Variants in GDAP1 observed in about 807,000 individuals in gnomAD.
GDAP1 encodes the protein ganglioside induced differentiation associated protein 1, also known as ganglioside-induced differentiation-associated protein 1.
Under a neutral mutation model 40.1 loss-of-function variants are expected in GDAP1, and 34 were observed. The ratio of observed to expected loss-of-function variants is 0.85; its 90% confidence interval spans 0.64 to 1.13. GDAP1 has a LOEUF of 1.13. Among genes scored for constraint, GDAP1 ranks in the 50% most tolerant of loss-of-function variants. The pLI, the probability that GDAP1 is intolerant of heterozygous loss-of-function variation, is 0.00. For synonymous variants in GDAP1, 170 were observed against 157.4 expected (o/e 1.08, Z -0.60); for missense variants, 374 against 433.7 (o/e 0.86, Z 1.22).
chr8:74,378,078 C>T (rs1809887392), intron 2 of GDAP1, among the ~76,000 whole-genome samples: 1 of 152,196 alleles, frequency 6.6e-6, no homozygotes, highest in South Asian at 2.1e-4. Context: ...TGAACTTGTC[C>T]TATGTCTGAC....
chr8:74,379,242 G>T (rs1276958512), intron 2 of GDAP1, among the ~76,000 whole-genome samples: 2 of 152,146 alleles, frequency 1.3e-5, no homozygotes, highest in Non-Finnish European at 2.9e-5. Context: ...TGTGGAGTAA[G>T]AGCCACTGTG....
At chr8:74,412,479 T>C (rs1228009544) in intron 2 of GDAP1, among the ~76,000 whole-genome samples, 2 of 150,146 alleles carry the variant, frequency 1.3e-5, no homozygotes, top group South Asian at 2.1e-4. Context: ...TCAAAGAATA[T>C]GATTTTAGAA....
chr8:74,356,656 TTTAG>T (rs1378444680), intron 2 of GDAP1, among the ~76,000 whole-genome samples: 1 of 124,590 alleles, frequency 8.0e-6, no homozygotes, highest in East Asian at 2.5e-4. Flanking sequence ...TTTAATATTA[TTTAG>T]TGTGTGTGTG....
intron 2 of GDAP1, among the ~76,000 whole-genome samples, chr8:74,397,461 G>A (rs1392620687): frequency 6.6e-6 from 1 of 152,106 alleles, no homozygotes; most frequent in Non-Finnish European, 1.5e-5. Flanking sequence ...TAATGCCTAG[G>A]TTTTCTTCTA....
At chr8:74,438,163 G>A (rs558354486) in intron 2 of GDAP1, among the ~76,000 whole-genome samples, 49 of 152,214 alleles carry the variant, frequency 3.2e-4, no homozygotes, top group Admixed American at 2.3e-3. Context: ...TCAGCTGCTC[G>A]GGAGGCTGAG....
At chr8:74,378,768 AC>A (rs1435309170) in intron 2 of GDAP1, among the ~76,000 whole-genome samples, 2 of 152,080 alleles carry the variant, frequency 1.3e-5, no homozygotes, top group Admixed American at 1.3e-4. Context: ...TTCTCTTTCC[AC>A]CTGGGGGCCT....
chr8:74,414,566 G>A (rs1805755670), intron 2 of GDAP1, among the ~76,000 whole-genome samples: 1 of 149,422 alleles, frequency 6.7e-6, no homozygotes, highest in African/African-American at 2.6e-5. Flanking sequence ...ACAGAGGAAA[G>A]AGTCACTGAA....
chr8:74,371,608 C>T (rs1028451034), downstream of GDAP1, among the ~76,000 whole-genome samples: 4 of 150,362 alleles, frequency 2.7e-5, no homozygotes, highest in African/African-American at 4.9e-5. Context: ...TGCAGTGAGC[C>T]GAGATCGCGC....
intron 2 of GDAP1, among the ~76,000 whole-genome samples, chr8:74,353,856 A>G (rs1484655735): frequency 1.3e-5 from 2 of 152,198 alleles, no homozygotes; most frequent in Non-Finnish European, 2.9e-5. Context: ...GGAAATTTAG[A>G]ATAGATTGTG....
At chr8:74,442,071 C>T (rs1043177391) in intron 2 of GDAP1, among the ~76,000 whole-genome samples, 1 of 152,218 alleles carries the variant, frequency 6.6e-6, no homozygotes, top group Non-Finnish European at 1.5e-5. Context: ...ACTTTCTTCA[C>T]AGATTGTAAA....
At position 74,363,995 on chromosome 8, in the gene GDAP1, G is replaced by C; in HGVS notation, c.705G>C (p.Gln235His). The C allele has an allele frequency of 3.1e-6, 5 of 1,614,016 alleles. No individual in the cohort carries two copies. The highest frequency in any genetic ancestry group is 4.2e-6 in the Non-Finnish European group (5 of 1,179,868). Residue 235 changes from glutamine to histidine, a missense_variant, in exon 6 of 6, where the codon CAG (glutamine) becomes CAC (histidine). Gln to His is a conservative substitution (Grantham distance 24). Coordinates refer to ENST00000220822, the MANE Select transcript of GDAP1 (RefSeq NM_018972.4). Reference sequence around the variant, plus strand: ...CCTTTCTCTAATTAGAAGAGGGCCAGCAACCTTGGCTCTGCGGTGAATCCT... The same window carrying C: ...CCTTTCTCTAATTAGAAGAGGGCCACCAACCTTGGCTCTGCGGTGAATCCT... ...RRNEETPEEG[Q>H]QPWLCGESFT...
intron 2 of GDAP1, among the ~76,000 whole-genome samples, chr8:74,390,151 G>T (rs1810085905): frequency 6.6e-6 from 1 of 152,132 alleles, no homozygotes; most frequent in African/African-American, 2.4e-5. Flanking sequence ...AGAGGAGTTT[G>T]TTATTACCTA....
chr8:74,360,237 A>G lies in GDAP1; in HGVS notation c.411A>G (p.Thr137=), dbSNP rs1449087991. ...ACTCCTTGCCAATGGATGCCTATAC[A>G]CATGGCTGCATTTTACATCCTGAGT... The part of the protein sequence containing the change: ...LLDSLPMDAY[T]HGCILHPELT... Residue 137 remains threonine, a synonymous_variant, in exon 3 of 6, where the codon ACA becomes ACG. Coordinates refer to ENST00000220822, the MANE Select transcript of GDAP1 (RefSeq NM_018972.4). 13 of 1,613,554 alleles carry G rather than the reference A, an allele frequency of 8.1e-6. No homozygotes were observed. The highest frequency in any genetic ancestry group is 1.1e-5 in the Non-Finnish European group (13 of 1,179,444).
Position 74,364,634 on chromosome 8 carries a change from C to G in GDAP1, c.*267C>G. ...AGAATGAAGTCTGTATAGGGTAGAG[C>G]AATAGAAAGTAAGCTTCGGGTGCCT... On this transcript the variant is annotated 3_prime_UTR_variant, in exon 6 of 6. Coordinates refer to ENST00000220822, the MANE Select transcript of GDAP1 (RefSeq NM_018972.4). The G allele has an allele frequency of 1.7e-6, 1 of 580,892 alleles. No individual in the cohort carries two copies. 36.0% of individuals were successfully genotyped at this position (580,892 alleles called of 1,614,324 possible). A position where few individuals can be genotyped will look rare whatever the true frequency, so the allele number is the denominator to read the frequency against.
chr8:74,409,193 T>C (rs1169006546), intron 2 of GDAP1, among the ~76,000 whole-genome samples: 1 of 150,158 alleles, frequency 6.7e-6, no homozygotes, highest in Admixed American at 6.6e-5. Context: ...AATGTTCTCT[T>C]TCCCTTTGGC....
intron 2 of GDAP1, among the ~76,000 whole-genome samples, chr8:74,408,125 G>A (rs1243657769): frequency 6.7e-6 from 1 of 149,802 alleles, no homozygotes; most frequent in Non-Finnish European, 1.5e-5. Flanking sequence ...ACCAAAATCT[G>A]TCAGGCAAAA....
chr8:74,462,478 G>A (rs1806413143), intron 2 of GDAP1, among the ~76,000 whole-genome samples: 1 of 152,132 alleles, frequency 6.6e-6, no homozygotes, highest in Non-Finnish European at 1.5e-5. Flanking sequence ...ATGTAGAGTT[G>A]AACAGGGTAA....
chr8:74,462,575 G>A (rs201573939), intron 2 of GDAP1, among the ~76,000 whole-genome samples: 2 of 152,080 alleles, frequency 1.3e-5, no homozygotes, highest in East Asian at 3.9e-4. Context: ...GGAAGAAATG[G>A]TACCTACCAA....
intron 2 of GDAP1, among the ~76,000 whole-genome samples, chr8:74,353,883 T>A (rs1808986860): frequency 6.6e-6 from 1 of 152,212 alleles, no homozygotes; most frequent in Non-Finnish European, 1.5e-5. Context: ...TATTTAAATA[T>A]GTTAAAATTT....
Sources: gnomAD v4.1 joint callset for allele counts (sites outside exome capture counted in the v4.1 genomes callset) on GRCh38, gnomAD v4.1.1 for gene constraint, MANE v1.5 for transcripts, NCBI Gene and HGNC (gene_info 2026-07-23, HGNC 2026-07-21) for gene names.